The following KLF16 variants were observed in gnomAD, a reference collection of about 807,000 sequenced individuals.
The protein encoded by KLF16 is KLF transcription factor 16, also known as Krueppel-like factor 16.
KLF16 carries 6 observed loss-of-function variants against 6.1 expected under a neutral mutation model. The observed-to-expected ratio is 0.98, with a 90% CI of 0.54 to 1.93. The LOEUF is 1.93. Among genes scored for constraint, KLF16 ranks in the 30% most tolerant of loss-of-function variants. The probability of loss-of-function intolerance (pLI) is 0.01; values close to 1 mark genes in which losing one functional copy is unlikely to be tolerated. For synonymous variants in KLF16, 211 were observed against 176.5 expected, an observed-to-expected ratio of 1.20 and a Z score of -1.55; for missense variants, 355 against 363.8, an observed-to-expected ratio of 0.98 and a Z score of 0.20.
upstream of KLF16, among the ~76,000 whole-genome samples, chr19:1,866,856 C>T (rs1199650455): frequency 2.6e-5 from 4 of 151,990 alleles, no homozygotes; most frequent in East Asian, 1.9e-4. Context: ...CGAGAACAGC[C>T]GGCTCCTGCT....
upstream of KLF16, among the ~76,000 whole-genome samples, chr19:1,864,016 C>G (rs981111108): frequency 6.8e-6 from 1 of 146,878 alleles, no homozygotes; most frequent in Non-Finnish European, 1.5e-5. Flanking sequence ...ACCCCGCCCC[C>G]TCTCCGGCAC....
chr19:1,867,959 T>TGTGTGC (rs897788770), upstream of KLF16, among the ~76,000 whole-genome samples: 1 of 143,414 alleles, frequency 7.0e-6, no homozygotes, highest in Non-Finnish European at 1.6e-5. Flanking sequence ...TGTGTGTGTG[T>TGTGTGC]GTGCGTGCGC....
In KLF16 at chr19:1,854,596, G is replaced by A. The variant is rs1253660958; in HGVS notation, c.622C>T (p.Arg208Cys). The A allele has an allele frequency of 6.3e-7, 1 of 1,593,016 alleles. No homozygotes were observed. Among genetic ancestry groups the A allele is most frequent in the East Asian group, 2.3e-5 (1 of 44,440 alleles). ...RSDHLAKHAR[R>C]HPGFHPDLLR... ...AGGTCCGGGTGGAAGCCGGGGTGGC[G>A]GCGGGCGTGCTTGGCCAGGTGGTCA... The change falls in exon 2 of 2, where the codon CGC becomes TGC. Residue 208 changes from arginine to cysteine, a missense_variant. Transcript: ENST00000250916.
the KLF16 span, among the ~76,000 whole-genome samples, chr19:1,871,356 A>G: frequency 6.6e-6 from 1 of 152,112 alleles, no homozygotes; most frequent in African/African-American, 2.4e-5. Context: ...CGGGCTGCGG[A>G]GGTGGCCATG....
upstream of KLF16, among the ~76,000 whole-genome samples, chr19:1,864,811 G>T (rs1231481405): frequency 6.6e-6 from 1 of 152,222 alleles, no homozygotes; most frequent in African/African-American, 2.4e-5. Context: ...CCAAGGCGGC[G>T]GGGGCACAGA....
chr19:1,862,353 T>C (rs1301499372), intron 1 of KLF16, among the ~76,000 whole-genome samples: 1 of 152,020 alleles, frequency 6.6e-6, no homozygotes, highest in Non-Finnish European at 1.5e-5. Context: ...GCCCGCCAGG[T>C]AGGGGTGAAC....
chr19:1,868,713 C>T, the KLF16 span, among the ~76,000 whole-genome samples: 11 of 150,192 alleles, frequency 7.3e-5, no homozygotes, highest in African/African-American at 2.5e-4. Context: ...GGCACAATCT[C>T]GGCTCATTGC....
At chr19:1,873,424 G>A in the KLF16 span, among the ~76,000 whole-genome samples, 1 of 152,182 alleles carries the variant, frequency 6.6e-6, no homozygotes, top group East Asian at 1.9e-4. Flanking sequence ...CTGGCCCTGG[G>A]GAGGGTCTGC....
At chr19:1,868,631 A>G in the KLF16 span, among the ~76,000 whole-genome samples, 6 of 136,694 alleles carry the variant, frequency 4.4e-5, no homozygotes, top group Non-Finnish European at 9.4e-5. Context: ...GGTGCCCACC[A>G]CCACACCGGG....
At chr19:1,865,314 CTGT>C (rs2012170256), upstream of KLF16, among the ~76,000 whole-genome samples, 1 of 152,258 alleles carries the variant, frequency 6.6e-6, no homozygotes, top group South Asian at 2.1e-4. Context: ...TGCTGGGCCT[CTGT>C]TGTCTTTGAA....
the KLF16 span, among the ~76,000 whole-genome samples, chr19:1,876,382 C>T: frequency 6.6e-6 from 1 of 152,214 alleles, no homozygotes; most frequent in African/African-American, 2.4e-5. Context: ...AACAGGCCAC[C>T]GGTTCCCGAG....
At position 1,863,413 on chromosome 19, in the gene KLF16, GC is replaced by G; in HGVS notation, c.84del (p.Arg29GlyfsTer116). On this transcript the variant is annotated frameshift_variant, in exon 1 of 2. Transcript: ENST00000250916. LOFTEE classifies it high-confidence loss of function. ...GGGCCCGCGCCCTCGGGGCCGGGCC[GC>G]CCGCGGTGCACCACGGCGCCCGAAG... ...AISSGAVVHR[G>X]RPGPEGAGPA... is the part of the protein sequence containing the mutation. 1 of 999,180 alleles carries G rather than the reference GC, an allele frequency of 1.0e-6. No homozygotes were observed. The highest frequency in any genetic ancestry group is 1.2e-6 in the Non-Finnish European group (1 of 840,978). 61.9% of individuals were successfully genotyped at this position (999,180 alleles called of 1,614,324 possible). A position where few individuals can be genotyped will look rare whatever the true frequency, so the allele number is the denominator to read the frequency against.
the KLF16 span, among the ~76,000 whole-genome samples, chr19:1,871,805 C>T: frequency 6.6e-6 from 1 of 152,038 alleles, no homozygotes; most frequent in Non-Finnish European, 1.5e-5. Flanking sequence ...GAAGCCCCTG[C>T]GTGGGGTCCT....
In KLF16 at chr19:1,853,236, A is replaced by C. The variant is rs1407742526; in HGVS notation, c.*1223T>G. The C allele has an allele frequency of 1.3e-5, 2 of 151,186 alleles. No homozygotes were observed. Among genetic ancestry groups the C allele is most frequent in the Non-Finnish European group, 2.9e-5 (2 of 67,840 alleles). The allele number at this position is 151,186 out of a possible 1,614,324, so 9.4% of individuals were successfully genotyped here. A position where few individuals can be genotyped will look rare whatever the true frequency, so the allele number is the denominator to read the frequency against. ...CACTCACACCCCCTGAGGATGCCGG[A>C]CCACCCATGGGGGCCCAGAAAAAAA... On this transcript the variant is annotated 3_prime_UTR_variant, in exon 2 of 2. Coordinates refer to ENST00000250916, the MANE Select transcript of KLF16 (RefSeq NM_031918.4).
rs1568734665 is a variant in KLF16 at position 1,863,149 on chromosome 19, CG to C, written c.348del (p.Gly117AlafsTer28). 2.4e-5 allele frequency: 31 copies of C among 1,310,800 alleles called. No homozygotes were observed. The highest frequency in any genetic ancestry group is 9.2e-5 in the Admixed American group (3 of 32,612). The allele number at this position is 1,310,800 out of a possible 1,614,324, so 81.2% of individuals were successfully genotyped here. A position where few individuals can be genotyped will look rare whatever the true frequency, so the allele number is the denominator to read the frequency against. ...AASSPSSGRA[P>X]GAAPSAAAKS... ...TTGGCGGCGGCGGAGGGCGCGGCGC[CG>C]GGGGCGCGGCCCGAGGACGGGGACG... On this transcript the variant is annotated frameshift_variant, in exon 1 of 2. Transcript: ENST00000250916. LOFTEE classifies it high-confidence loss of function.
the KLF16 span, among the ~76,000 whole-genome samples, chr19:1,873,710 C>T: frequency 6.6e-6 from 1 of 152,258 alleles, no homozygotes; most frequent in Admixed American, 6.5e-5. Flanking sequence ...GTGGGGAGAG[C>T]GCGCGTCCTG....
At chr19:1,862,999 G>A (rs1024115763) in intron 1 of KLF16, 42 bp downstream of exon 1, 41 of 1,218,688 alleles carry the variant, frequency 3.4e-5, no homozygotes, top group Non-Finnish European at 4.1e-5. Context: ...AGGGGTCTCA[G>A]GCGGCCGCCC....
chr19:1,874,818 A>G, the KLF16 span: 2 of 150,084 alleles, frequency 1.3e-5, no homozygotes, highest in Admixed American at 6.6e-5. Flanking sequence ...TAATCTGTAA[A>G]GTGCACCTAG....
At chr19:1,872,590 C>T in the KLF16 span, among the ~76,000 whole-genome samples, 1 of 152,228 alleles carries the variant, frequency 6.6e-6, no homozygotes, top group Non-Finnish European at 1.5e-5. Flanking sequence ...TTCTGAGCTC[C>T]ACTTCCGGCT....
Sources: gnomAD v4.1 joint callset for allele counts (sites outside exome capture counted in the v4.1 genomes callset) on GRCh38, gnomAD v4.1.1 for gene constraint, MANE v1.5 for transcripts, NCBI Gene and HGNC (gene_info 2026-07-23, HGNC 2026-07-21) for gene names.